The following ZNF91 variants were observed in gnomAD, a reference collection of about 807,000 sequenced individuals.
ZNF91 encodes the protein zinc finger protein 91.
A neutral mutation model predicts 12.6 loss-of-function variants in ZNF91; 7 were observed. That is an observed-to-expected ratio of 0.55 (90% CI 0.31 to 1.04). The LOEUF is 1.04. Among genes scored for constraint, ZNF91 ranks in the 50% least tolerant of loss-of-function variants. ZNF91 has a pLI of 0.05. For synonymous variants in ZNF91, 453 were observed against 462.6 expected (o/e 0.98, Z 0.27); for missense variants, 1,217 against 1,385.4 (o/e 0.88, Z 1.93).
At chr19:23,367,871 TTA>T (rs1403914572) in intron 3 of ZNF91, among the ~76,000 whole-genome samples, 4 of 152,334 alleles carry the variant, frequency 2.6e-5, no homozygotes, top group Admixed American at 2.6e-4. Flanking sequence ...TGAAAATCTT[TTA>T]ATTAGACATA....
chr19:23,393,360 T>C (rs1970131350), intron 1 of ZNF91, among the ~76,000 whole-genome samples: 2 of 152,200 alleles, frequency 1.3e-5, no homozygotes, highest in Admixed American at 6.5e-5. Context: ...ATACCTCAGG[T>C]TGTCCTATGA....
chr19:23,390,784 C>T (rs1009488086), intron 1 of ZNF91, among the ~76,000 whole-genome samples: 11 of 152,090 alleles, frequency 7.2e-5, no homozygotes, highest in African/African-American at 2.7e-4. Context: ...TCCCATATTG[C>T]TCAGGCTGGT....
chr19:23,329,356 A>G (rs1220221194), intron 1 of ZNF91, among the ~76,000 whole-genome samples: 1 of 152,192 alleles, frequency 6.6e-6, no homozygotes, highest in Non-Finnish European at 1.5e-5. Flanking sequence ...CCATCAGAGC[A>G]GTTCTGATGC....
In ZNF91 at chr19:23,360,328, C is replaced by G; in HGVS notation, c.2651G>C (p.Ser884Thr). Residue 884 changes from serine (S) to threonine (T), a missense_variant, in exon 4 of 4, where the codon AGT becomes ACT. By Grantham distance (58) the Ser-to-Thr change is moderately conservative (BLOSUM62 1). Around this residue, in one of 2 missense-constraint regions of ZNF91, gnomAD observed 491 missense variants for 489.8 expected, o/e 1.00. Coordinates refer to ENST00000300619, the MANE Select transcript of ZNF91 (RefSeq NM_003430.4). The part of the protein sequence containing the change: ...IIHTKEKPSK[S>T]EECDKAFIWS... The stretch of plus-strand genomic sequence containing the variant: ...GATAAATGCTTTGTCACATTCTTCA[C>G]TCTTGGAAGGTTTCTCTTTAGTATG... The G allele has an allele frequency of 6.2e-7, 1 of 1,613,932 alleles. No individual in the cohort carries two copies.
chr19:23,335,679 T>A (rs1967994442), downstream of ZNF91, among the ~76,000 whole-genome samples: 1 of 152,118 alleles, frequency 6.6e-6, no homozygotes, highest in Non-Finnish European at 1.5e-5. Flanking sequence ...TGGAAAAGTG[T>A]AGCATTAGGG....
At chr19:23,379,576 T>A (rs1365612759) in intron 1 of ZNF91, among the ~76,000 whole-genome samples, 8 of 152,322 alleles carry the variant, frequency 5.3e-5, no homozygotes, top group African/African-American at 1.9e-4. Context: ...AGGTAGTTCA[T>A]CCTAAATTCA....
Position 23,362,498 on chromosome 19 carries a change from T to C in ZNF91, c.481A>G (p.Lys161Glu), listed in dbSNP as rs1188293430. 6.2e-7 allele frequency: 1 copy of C among 1,603,058 alleles called. No homozygotes were observed. The change falls in exon 4 of 4, where the codon AAA becomes GAA. Residue 161 changes from lysine (K) to glutamate (E), a missense_variant. Physicochemically the swap from Lys to Glu is moderately conservative, Grantham distance 56. This residue lies in a region of ZNF91 where 726 missense variants were observed against 895.5 expected (regional missense o/e 0.81). Transcript: ENST00000300619. ...SKVFQCGKYL[K>E]VFYKFLNSNR... ...GAATTTAAAAATTTATAGAAGACTT[T>C]CAAATATTTCCCACATTGAAATACT...
downstream of ZNF91, among the ~76,000 whole-genome samples, chr19:23,335,460 C>T (rs144145927): frequency 0.012 from 1,804 of 152,340 alleles, 32 homozygotes; most frequent in African/African-American, 0.041. Context: ...CCTTGAGCTG[C>T]AGTGGGCTCC....
At chr19:23,330,824 C>T (rs1967916007) in intron 1 of ZNF91, among the ~76,000 whole-genome samples, 2 of 152,190 alleles carry the variant, frequency 1.3e-5, no homozygotes, top group South Asian at 4.1e-4. Flanking sequence ...TCTTAAGGTA[C>T]TCTACAAATA....
chr19:23,395,004 C>T (rs1970185344), intron 1 of ZNF91, among the ~76,000 whole-genome samples: 1 of 152,172 alleles, frequency 6.6e-6, no homozygotes. Flanking sequence ...CACCTCCAGT[C>T]AGGATTCTCC....
intron 1 of ZNF91, among the ~76,000 whole-genome samples, chr19:23,319,980 A>G (rs898841898): frequency 6.6e-6 from 1 of 152,188 alleles, no homozygotes; most frequent in African/African-American, 2.4e-5. Flanking sequence ...CATGTTGTAT[A>G]AAGCCCACAA....
intron 3 of ZNF91, among the ~76,000 whole-genome samples, chr19:23,343,125 G>A (rs758052546): frequency 4.6e-5 from 7 of 152,132 alleles, no homozygotes; most frequent in Non-Finnish European, 8.8e-5. Flanking sequence ...AAAATTTATG[G>A]CATAAACACA....
At position 23,360,736 on chromosome 19, in the gene ZNF91, C is replaced by T; in HGVS notation, c.2243G>A (p.Gly748Asp). The T allele has an allele frequency of 6.2e-7, 1 of 1,613,434 alleles. No homozygotes were observed. The highest frequency in any genetic ancestry group is 8.5e-7 in the Non-Finnish European group (1 of 1,179,784). Reference protein sequence around the residue: ...GEKPYKCEECGKAFNWSSSLT... With the variant: ...GEKPYKCEECDKAFNWSSSLT... ...GCTTGAGGACCAGTTAAATGCTTTG[C>T]CACATTCTTCACACTTGTAAGGTTT... The change falls in exon 4 of 4, where the codon GGC becomes GAC. Residue 748 changes from glycine to aspartate, a missense_variant. By Grantham distance (94) the Gly-to-Asp change is moderately conservative (BLOSUM62 -1). This residue lies in a region of ZNF91 where 726 missense variants were observed against 895.5 expected (regional missense o/e 0.81). Transcript: ENST00000300619.
chr19:23,332,093 C>A (rs1967936528), intron 1 of ZNF91, among the ~76,000 whole-genome samples: 1 of 152,160 alleles, frequency 6.6e-6, no homozygotes, highest in South Asian at 2.1e-4. Context: ...CATTTCTTAG[C>A]CAGGTTTGTT....
intron 3 of ZNF91, among the ~76,000 whole-genome samples, chr19:23,349,007 G>A (rs955507285): frequency 1.9e-4 from 29 of 152,070 alleles, no homozygotes; most frequent in Admixed American, 1.9e-3. Flanking sequence ...GCTAGGATTG[G>A]GAAATTCCAG....
At position 23,360,274 on chromosome 19, in the gene ZNF91, C is replaced by A. The variant is rs747255942; in HGVS notation, c.2705G>T (p.Arg902Ile). The A allele has an allele frequency of 8.1e-6, 13 of 1,613,416 alleles. No individual in the cohort carries two copies. The East Asian group carries it at 1.6e-4, about 19-fold the overall frequency. The change falls in exon 4 of 4, where the codon AGA (arginine) becomes ATA (isoleucine). Residue 902 changes from arginine to isoleucine, a missense_variant. Around this residue, in one of 2 missense-constraint regions of ZNF91, gnomAD observed 491 missense variants for 489.8 expected, o/e 1.00. Coordinates refer to ENST00000300619, the MANE Select transcript of ZNF91 (RefSeq NM_003430.4). The stretch of plus-strand genomic sequence containing the variant: ...GTAGGTTTTCTCTCTGGTATGAATT[C>A]TCTTATGTTCAGTAAGGGTTGAGGA... ...IWSSTLTEHKRIHTREKTYKC... is the reference protein window; with the variant it reads ...IWSSTLTEHKIIHTREKTYKC...
rs1230496896 is a variant in ZNF91, at chr19:23,376,160, A to G, written c.31-1396T>C. ...GATAATAAAAAAACAGAACCTCAAC[A>G]TTATATGTTCTCCATCTTCACTAAG... is the stretch of plus-strand genomic sequence containing the variant. On this transcript the variant is annotated intron_variant, in intron 1 of 3. Coordinates refer to ENST00000300619, the MANE Select transcript of ZNF91 (RefSeq NM_003430.4). 3.3e-5 allele frequency among the ~76,000 whole-genome samples: 5 copies of G among 152,192 alleles called. No individual in the cohort carries two copies. The East Asian group carries it at 9.6e-4, about 29-fold the overall frequency.
chr19:23,335,915 C>T (rs763289229), downstream of ZNF91, among the ~76,000 whole-genome samples: 14 of 152,206 alleles, frequency 9.2e-5, no homozygotes, highest in Non-Finnish European at 1.3e-4. Context: ...TGCTGGGAGC[C>T]GTAGACTGGA....
intron 2 of ZNF91, 70 bp downstream of exon 2, chr19:23,374,568 A>AG: frequency 7.2e-7 from 1 of 1,382,968 alleles, no homozygotes; most frequent in Non-Finnish European, 9.6e-7. Flanking sequence ...TCAAAAAAAA[A>AG]AAAAAAAAAA....
Sources: allele counts gnomAD v4.1 joint callset (sites outside exome capture counted in the v4.1 genomes callset), GRCh38; gene constraint gnomAD v4.1.1; regional missense constraint gnomAD v4.1.1; transcripts MANE v1.5; gene names NCBI Gene and HGNC (gene_info 2026-07-23, HGNC 2026-07-21).